Variants in SLC22A3 observed in about 807,000 individuals in gnomAD.
SLC22A3 encodes the protein EMT organic cation transporter 3.
A neutral mutation model predicts 59.1 loss-of-function variants in SLC22A3; 51 were observed. The ratio of observed to expected loss-of-function variants is 0.86; its 90% CI spans 0.69 to 1.09. The LOEUF is 1.09. Among genes scored for constraint, SLC22A3 ranks in the 50% least tolerant of loss-of-function variants. The probability of loss-of-function intolerance (pLI) is 0.00; values close to 1 mark genes in which losing one functional copy is unlikely to be tolerated. For synonymous variants in SLC22A3, 325 were observed against 292.0 expected (o/e 1.11, Z -1.15); for missense variants, 711 against 726.3 (o/e 0.98, Z 0.24).
chr6:160,398,952 C>A (rs1444216368), intron 2 of SLC22A3, among the ~76,000 whole-genome samples: 1 of 152,126 alleles, frequency 6.6e-6, no homozygotes, highest in East Asian at 1.9e-4. Flanking sequence ...GTGACTGTAC[C>A]ATTCAGTGGG....
At position 160,407,110 on chromosome 6, in the gene SLC22A3, T is replaced by C. The variant is rs3918291; in HGVS notation, c.603T>C (p.Phe201=). 10,800 of 1,612,402 alleles carry C rather than the reference T, an allele frequency of 6.7e-3. 45 individuals carry two copies. The highest frequency in any genetic ancestry group is 8.4e-3 in the Non-Finnish European group (9,900 of 1,179,152). Residue 201 remains phenylalanine, a synonymous_variant, in exon 3 of 11, where the codon TTT becomes TTC. Coordinates refer to ENST00000275300, the MANE Select transcript of SLC22A3 (RefSeq NM_021977.4). ...GCGTCACTGGGGTTGTGGTGGCCTT[T>C]GCACCAAACTTCCCTGTGTTTGTGA... ...GVGVTGVVVA[F]APNFPVFVIF... is the part of the protein sequence containing the mutation.
chr6:160,379,109 C>A (rs1448746704), intron 1 of SLC22A3, among the ~76,000 whole-genome samples: 4 of 152,152 alleles, frequency 2.6e-5, no homozygotes, highest in Admixed American at 2.0e-4. Context: ...CTGGAAGCAG[C>A]CCCAACAATT....
rs746391174 is a variant in SLC22A3 at position 160,443,651 on chromosome 6, T to C, written c.1419T>C (p.Cys473=). 2 of 1,613,904 alleles carry C rather than the reference T, an allele frequency of 1.2e-6. No individual in the cohort carries two copies. The highest frequency in any genetic ancestry group is 8.5e-7 in the Non-Finnish European group (1 of 1,179,918). Residue 473 remains cysteine, a synonymous_variant, in exon 9 of 11, where the codon TGT becomes TGC. Coordinates refer to ENST00000275300, the MANE Select transcript of SLC22A3 (RefSeq NM_021977.4). ...TTLRNFGVSL[C]SGLCDFGGII... ...ACAGAAATTTCGGAGTTTCGCTCTG[T>C]TCAGGTCTGTGTGATTTTGGGGGAA... is the stretch of plus-strand genomic sequence containing the variant.
intron 1 of SLC22A3, among the ~76,000 whole-genome samples, chr6:160,387,171 G>T (rs1440263555): frequency 2.0e-5 from 3 of 152,242 alleles, no homozygotes; most frequent in Admixed American, 1.3e-4. Flanking sequence ...GAGGCCAGGG[G>T]CATGCAGAGC....
At chr6:160,436,158 T>A (rs1160898840) in intron 5 of SLC22A3, among the ~76,000 whole-genome samples, 2 of 152,198 alleles carry the variant, frequency 1.3e-5, no homozygotes, top group Admixed American at 1.3e-4. Context: ...TTCCGCATGT[T>A]AGACTGGAGG....
intron 1 of SLC22A3, among the ~76,000 whole-genome samples, chr6:160,351,864 A>G (rs2114732348): frequency 6.6e-6 from 1 of 152,290 alleles, no homozygotes; most frequent in Admixed American, 6.5e-5. Flanking sequence ...ATGTAGCCAA[A>G]CTGGATTCAA....
chr6:160,378,160 G>A (rs1403988260), intron 1 of SLC22A3, among the ~76,000 whole-genome samples: 2 of 152,148 alleles, frequency 1.3e-5, no homozygotes, highest in Non-Finnish European at 2.9e-5. Flanking sequence ...AGAATAATAT[G>A]TTGAGCTCAA....
intron 1 of SLC22A3, among the ~76,000 whole-genome samples, chr6:160,384,452 C>T (rs1036795089): frequency 6.6e-6 from 1 of 152,266 alleles, no homozygotes; most frequent in Admixed American, 6.5e-5. Context: ...TGACTTAGTT[C>T]AGCAGAGAAA....
At chr6:160,362,907 C>T (rs1785067863) in intron 1 of SLC22A3, among the ~76,000 whole-genome samples, 1 of 152,148 alleles carries the variant, frequency 6.6e-6, no homozygotes, top group Non-Finnish European at 1.5e-5. Context: ...GGAGGGTGCA[C>T]GAGAACGTCC....
chr6:160,400,701 A>T (rs914799064), intron 2 of SLC22A3, among the ~76,000 whole-genome samples: 1 of 151,860 alleles, frequency 6.6e-6, no homozygotes, highest in Non-Finnish European at 1.5e-5. Context: ...CAGAGTAAGC[A>T]TCAGAACTAA....
chr6:160,348,875 C>G (rs1784566891), intron 1 of SLC22A3, 27 bp downstream of exon 1: 1 of 1,553,274 alleles, frequency 6.4e-7, no homozygotes, highest in African/African-American at 1.4e-5. Flanking sequence ...CCTTTGGAAG[C>G]CGGCGGGAGA....
intron 5 of SLC22A3, among the ~76,000 whole-genome samples, chr6:160,423,758 C>T (rs906526017): frequency 6.6e-6 from 1 of 152,272 alleles, no homozygotes; most frequent in Admixed American, 6.5e-5. Context: ...AAATTTTCTC[C>T]CATTCTCTAG....
intron 8 of SLC22A3, among the ~76,000 whole-genome samples, chr6:160,443,265 GAAATGAAA>G (rs1788616687): frequency 6.6e-6 from 1 of 152,222 alleles, no homozygotes; most frequent in Non-Finnish European, 1.5e-5. Flanking sequence ...TATGAAGGAT[GAAATGAAA>G]CAGTGTGCAC....
intron 1 of SLC22A3, among the ~76,000 whole-genome samples, chr6:160,371,916 T>C (rs1449235688): frequency 1.3e-5 from 2 of 152,234 alleles, no homozygotes; most frequent in African/African-American, 2.4e-5. Flanking sequence ...TTTGCATTTC[T>C]CTAATGACCA....
chr6:160,359,835 T>A (rs1344291806), intron 1 of SLC22A3, among the ~76,000 whole-genome samples: 1 of 150,950 alleles, frequency 6.6e-6, no homozygotes, highest in Non-Finnish European at 1.5e-5. Context: ...GAACAGTGAT[T>A]TTTTTATATG....
At chr6:160,398,111 G>A (rs1171422781) in intron 2 of SLC22A3, 29 bp downstream of exon 2, 3 of 1,453,204 alleles carry the variant, frequency 2.1e-6, no homozygotes, top group South Asian at 2.3e-5. Context: ...GCCATTTTAT[G>A]TCACTATAAT....
chr6:160,359,603 C>G (rs537535887), intron 1 of SLC22A3, among the ~76,000 whole-genome samples: 9 of 152,288 alleles, frequency 5.9e-5, no homozygotes, highest in African/African-American at 1.9e-4. Context: ...GGAGAGCCTG[C>G]AGTTTAATTA....
intron 1 of SLC22A3, among the ~76,000 whole-genome samples, chr6:160,354,562 C>T (rs966843829): frequency 6.6e-6 from 1 of 152,160 alleles, no homozygotes; most frequent in Non-Finnish European, 1.5e-5. Context: ...AAGCCTTGGC[C>T]AGTTGTGGTG....
rs1219226116 is a variant in SLC22A3 at position 160,410,037 on chromosome 6, G to C, written c.858-692G>C. Among the ~76,000 whole-genome samples, 3 of 152,198 alleles carry C rather than the reference G, an allele frequency of 2.0e-5. No homozygotes were observed. The East Asian group carries it at 5.8e-4, about 29-fold the overall frequency. ...TTGATTTTTGTTGTTGCTGTTTTGAGATGGAGTCTCACTCTGTTGCCCAGG... is the reference window on the plus strand; with the variant it reads ...TTGATTTTTGTTGTTGCTGTTTTGACATGGAGTCTCACTCTGTTGCCCAGG... On this transcript the variant is annotated intron_variant, in intron 4 of 10. Transcript: ENST00000275300.
Sources: gnomAD v4.1 joint callset for allele counts (sites outside exome capture counted in the v4.1 genomes callset) on GRCh38, gnomAD v4.1.1 for gene constraint, MANE v1.5 for transcripts, NCBI Gene and HGNC (gene_info 2026-07-23, HGNC 2026-07-21) for gene names.